CDH11: variants seen among roughly 807,000 people sequenced by gnomAD.
The protein encoded by CDH11 is cadherin-11.
CDH11 carries 11 observed loss-of-function variants against 67.8 expected under a neutral mutation model. That is an observed-to-expected ratio of 0.16 (90% CI 0.10 to 0.27). CDH11 has a LOEUF of 0.27. Ranked by LOEUF, CDH11 falls within the 10% of genes least tolerant of loss-of-function variation. The pLI, the probability that CDH11 is intolerant of heterozygous loss-of-function variation, is 1.00. For missense variants in CDH11, 847 were observed against 1,031.2 expected (o/e 0.82, Z 2.45); for synonymous variants, 419 against 400.0 (o/e 1.05, Z -0.57).
At position 64,988,419 on chromosome 16, in the gene CDH11, C is replaced by A. The variant is rs552751707; in HGVS notation, c.812-75G>T. On this transcript the variant is annotated intron_variant, in intron 6 of 12. Transcript: ENST00000268603. ...TAAGACTATAGATTTCATTGAATCCCAATAAATTTCTCAAAGGATTTGAAA... is the reference window on the plus strand; with the variant it reads ...TAAGACTATAGATTTCATTGAATCCAAATAAATTTCTCAAAGGATTTGAAA... 2.1e-5 allele frequency: 27 copies of A among 1,286,928 alleles called. No homozygotes were observed. In the African/African-American group the frequency reaches 4.1e-4, roughly 19 times the overall value. The allele number at this position is 1,286,928 out of a possible 1,614,324, so 79.7% of individuals were successfully genotyped here.
intron 2 of CDH11, among the ~76,000 whole-genome samples, chr16:65,033,607 T>C (rs2073690624): frequency 6.6e-6 from 1 of 151,922 alleles, no homozygotes; most frequent in African/African-American, 2.4e-5. Flanking sequence ...CATGGTGTTG[T>C]GTGCCTGTAG....
intron 2 of CDH11, among the ~76,000 whole-genome samples, chr16:65,019,973 T>G (rs2073390190): frequency 6.6e-6 from 1 of 152,220 alleles, no homozygotes; most frequent in Non-Finnish European, 1.5e-5. Context: ...ACACCTTGCA[T>G]GTAAAACTCT....
intron 1 of CDH11, among the ~76,000 whole-genome samples, chr16:65,060,354 T>TATAGAGAG (rs367727382): frequency 6.9e-6 from 1 of 144,952 alleles, no homozygotes; most frequent in Non-Finnish European, 1.5e-5. Flanking sequence ...TATATATATA[T>TATAGAGAG]AGAGAGAGAG....
chr16:64,976,700 A>G (rs1475240676), intron 8 of CDH11, among the ~76,000 whole-genome samples: 1 of 152,182 alleles, frequency 6.6e-6, no homozygotes, highest in East Asian at 1.9e-4. Flanking sequence ...TTTATACTAA[A>G]TATACAAAAT....
chr16:64,990,891 C>A (rs1253352459), intron 6 of CDH11, among the ~76,000 whole-genome samples: 1 of 152,100 alleles, frequency 6.6e-6, no homozygotes, highest in Non-Finnish European at 1.5e-5. Flanking sequence ...AAACAGTAAT[C>A]CTATTAATTA....
Position 65,013,897 on chromosome 16 carries a change from A to G in CDH11, c.-172-8856T>C, listed in dbSNP as rs901091992. ...AAAGGGAGAGTGCCAAGAGAAAAAGAGACAATGTGTGTACTTTGTACAGTA... is the reference window on the plus strand; with the variant it reads ...AAAGGGAGAGTGCCAAGAGAAAAAGGGACAATGTGTGTACTTTGTACAGTA... On this transcript the variant is annotated intron_variant, in intron 2 of 12. Transcript: ENST00000268603. Among the ~76,000 whole-genome samples, 8 of 152,248 alleles carry G rather than the reference A, an allele frequency of 5.3e-5. No individual in the cohort carries two copies. In the South Asian group the frequency reaches 1.0e-3, roughly 20 times the overall value.
intron 2 of CDH11, among the ~76,000 whole-genome samples, chr16:65,023,824 A>C (rs74026228): frequency 0.11 from 16,868 of 152,176 alleles, 1,162 homozygotes; most frequent in African/African-American, 0.19. Flanking sequence ...GTTCGCTTTC[A>C]TTGCCGTCTT....
chr16:65,039,940 C>T (rs1466186532), intron 2 of CDH11, among the ~76,000 whole-genome samples: 1 of 152,136 alleles, frequency 6.6e-6, no homozygotes, highest in African/African-American at 2.4e-5. Flanking sequence ...ATTTATGCAG[C>T]CAAAAGACGT....
chr16:65,036,662 A>G (rs562836315), intron 2 of CDH11, among the ~76,000 whole-genome samples: 165 of 152,244 alleles, frequency 1.1e-3, no homozygotes, highest in Middle Eastern at 3.4e-3. Context: ...GAAACGTCAT[A>G]TGTTCTACTA....
intron 8 of CDH11, among the ~76,000 whole-genome samples, chr16:64,977,852 GT>G (rs1433208133): frequency 1.3e-5 from 2 of 152,154 alleles, no homozygotes; most frequent in African/African-American, 2.4e-5. Flanking sequence ...TGTAAAACCT[GT>G]TGTATGAGGC....
chr16:64,987,304 A>C (rs1349129705), intron 7 of CDH11: 1 of 152,096 alleles, frequency 6.6e-6, no homozygotes, highest in African/African-American at 2.4e-5. Context: ...CTTGAGAGGG[A>C]AGTTGTTCTA....
In CDH11 at chr16:64,972,032, C is replaced by T. The variant is rs1214821279; in HGVS notation, c.1423G>A (p.Ala475Thr). The change falls in exon 10 of 13, where the codon GCC becomes ACC. Residue 475 changes from alanine to threonine, a missense_variant. Around this residue, in one of 2 missense-constraint regions of CDH11, gnomAD observed 612 missense variants for 678.7 expected, o/e 0.90. Coordinates refer to ENST00000268603, the MANE Select transcript of CDH11 (RefSeq NM_001797.4). ...TCGTTGACATCAAGGACCCTAATGG[C>T]CACTGGGACTTTGGCTTCCTGATGC... The part of the protein sequence containing the change: ...NRHQEAKVPV[A>T]IRVLDVNDNA... 2 of 1,613,354 alleles carry T rather than the reference C, an allele frequency of 1.2e-6. No individual in the cohort carries two copies. The highest frequency in any genetic ancestry group is 1.3e-5 in the African/African-American group (1 of 74,876).
chr16:65,059,001 G>A (rs2074193976), intron 1 of CDH11, among the ~76,000 whole-genome samples: 1 of 152,284 alleles, frequency 6.6e-6, no homozygotes, highest in East Asian at 1.9e-4. Context: ...TTTAATAGAT[G>A]TGTATTTATA....
upstream of CDH11, among the ~76,000 whole-genome samples, chr16:65,123,267 C>A (rs2075366125): frequency 6.6e-6 from 1 of 151,734 alleles, no homozygotes; most frequent in Non-Finnish European, 1.5e-5. Context: ...AGAGAGGAGG[C>A]GGAGGAAGGT....
intron 1 of CDH11, among the ~76,000 whole-genome samples, chr16:65,069,259 A>G (rs576431763): frequency 6.6e-6 from 1 of 152,356 alleles, no homozygotes; most frequent in Admixed American, 6.5e-5. Context: ...CTATTTCCAC[A>G]TGGTTCATTA....
intron 1 of CDH11, among the ~76,000 whole-genome samples, chr16:65,067,740 A>C (rs1649511608): frequency 7.1e-6 from 1 of 141,190 alleles, no homozygotes; most frequent in Non-Finnish European, 1.5e-5. Context: ...GAAGGGAAGA[A>C]AGGGAGGAAG....
chr16:65,077,253 T>C (rs1027803665), intron 1 of CDH11, among the ~76,000 whole-genome samples: 1 of 152,222 alleles, frequency 6.6e-6, no homozygotes, highest in African/African-American at 2.4e-5. Context: ...GATGTCAGTT[T>C]CCTTATTGGA....
intron 8 of CDH11, among the ~76,000 whole-genome samples, chr16:64,976,389 C>T (rs371375780): frequency 6.6e-6 from 1 of 152,056 alleles, no homozygotes; most frequent in East Asian, 1.9e-4. Context: ...GTGTCTAATG[C>T]TACAGTCTGA....
chr16:64,982,384 A>C lies in CDH11; in HGVS notation c.1000-83T>G. The C allele has an allele frequency of 3.0e-6, 3 of 992,206 alleles. No individual in the cohort carries two copies. In the South Asian group the frequency reaches 4.7e-5, roughly 16 times the overall value. 61.5% of individuals were successfully genotyped at this position (992,206 alleles called of 1,614,324 possible). A position where few individuals can be genotyped will look rare whatever the true frequency, so the allele number is the denominator to read the frequency against. On this transcript the variant is annotated intron_variant, in intron 7 of 12. Coordinates refer to ENST00000268603, the MANE Select transcript of CDH11 (RefSeq NM_001797.4). ...AAGACCCGATTGTTTTATAGGGACG[A>C]GTGAATATTCCTCAAAGAGAGAAAA...
Sources: allele counts gnomAD v4.1 joint callset (sites outside exome capture counted in the v4.1 genomes callset), GRCh38; gene constraint gnomAD v4.1.1; regional missense constraint gnomAD v4.1.1; transcripts MANE v1.5; gene names NCBI Gene and HGNC (gene_info 2026-07-23, HGNC 2026-07-21).